SEMA3D: variants seen among roughly 807,000 people sequenced by gnomAD.
The protein encoded by SEMA3D is semaphorin-3D.
Under a neutral mutation model 100.1 loss-of-function variants are expected in SEMA3D, and 84 were observed. The observed-to-expected ratio is 0.84, with a 90% CI of 0.70 to 1.01. SEMA3D has a LOEUF of 1.01. SEMA3D is among the 50% of genes least tolerant of loss of function. SEMA3D has a pLI of 0.00. For missense variants in SEMA3D, 875 were observed against 934.1 expected, an observed-to-expected ratio of 0.94 and a Z score of 0.82; for synonymous variants, 312 against 320.7, an observed-to-expected ratio of 0.97 and a Z score of 0.29.
At chr7:85,158,682 T>G (rs1790663047) in intron 1 of SEMA3D, among the ~76,000 whole-genome samples, 1 of 152,260 alleles carries the variant, frequency 6.6e-6, no homozygotes, top group Non-Finnish European at 1.5e-5. Flanking sequence ...CCTCCCCTTT[T>G]GAAAATCACT....
At chr7:85,128,372 T>C (rs1351059318) in intron 2 of SEMA3D, among the ~76,000 whole-genome samples, 2 of 151,988 alleles carry the variant, frequency 1.3e-5, no homozygotes, top group Non-Finnish European at 2.9e-5. Context: ...GGTTTCACCA[T>C]GTTGATCAGG....
chr7:85,040,997 A>G (rs1790845680), intron 10 of SEMA3D: 1 of 247,908 alleles, frequency 4.0e-6, no homozygotes, highest in African/African-American at 2.3e-5. Flanking sequence ...AAAAATAAGT[A>G]ATTTTTACCC....
At chr7:85,022,356 C>G in intron 13 of SEMA3D, 35 bp downstream of exon 13, 1 of 1,456,078 alleles carries the variant, frequency 6.9e-7, no homozygotes, top group Non-Finnish European at 9.6e-7. Flanking sequence ...ATGAAAAATT[C>G]CTTTTGAAAA....
intron 2 of SEMA3D, among the ~76,000 whole-genome samples, chr7:85,129,043 C>A (rs1463137897): frequency 6.6e-6 from 1 of 151,768 alleles, no homozygotes. Flanking sequence ...AGGCATGTGC[C>A]ACTTGCCCAG....
chr7:85,020,979 AT>A (rs1301465874), intron 13 of SEMA3D, among the ~76,000 whole-genome samples: 2 of 151,644 alleles, frequency 1.3e-5, no homozygotes, highest in African/African-American at 2.4e-5. Context: ...ATCATCTTAC[AT>A]TGAAATTAAA....
chr7:85,086,567 G>A (rs1477995109), intron 4 of SEMA3D, among the ~76,000 whole-genome samples: 3 of 150,708 alleles, frequency 2.0e-5, no homozygotes, highest in Non-Finnish European at 3.0e-5. Context: ...TACAATATAC[G>A]CACATATATA....
At chr7:85,207,519 G>A in the SEMA3D span, among the ~76,000 whole-genome samples, 25 of 152,026 alleles carry the variant, frequency 1.6e-4, no homozygotes, top group Non-Finnish European at 3.4e-4. Context: ...TGAAGGCCCT[G>A]CTAATCTTTC....
chr7:85,213,146 T>C, the SEMA3D span, among the ~76,000 whole-genome samples: 1 of 152,054 alleles, frequency 6.6e-6, no homozygotes, highest in East Asian at 1.9e-4. Context: ...AATCATTATA[T>C]GTTGAACACA....
intron 3 of SEMA3D, among the ~76,000 whole-genome samples, chr7:85,118,984 T>A (rs1258275275): frequency 6.7e-6 from 1 of 149,912 alleles, no homozygotes; most frequent in African/African-American, 2.4e-5. Flanking sequence ...AACACATACA[T>A]GTGGGCAACA....
chr7:85,195,748 C>A, the SEMA3D span, among the ~76,000 whole-genome samples: 1 of 152,056 alleles, frequency 6.6e-6, no homozygotes, highest in Non-Finnish European at 1.5e-5. Flanking sequence ...TTTTTTATGG[C>A]ATATACTATA....
intron 5 of SEMA3D, among the ~76,000 whole-genome samples, chr7:85,075,715 A>T (rs565022054): frequency 6.6e-6 from 1 of 152,350 alleles, no homozygotes; most frequent in East Asian, 1.9e-4. Flanking sequence ...ATAGTTCTCT[A>T]AGCAGCCTAG....
intron 2 of SEMA3D, among the ~76,000 whole-genome samples, chr7:85,122,917 G>C (rs1024378377): frequency 6.6e-6 from 1 of 152,120 alleles, no homozygotes; most frequent in African/African-American, 2.4e-5. Flanking sequence ...ATCAAAACAC[G>C]TATTCCAAAC....
intron 3 of SEMA3D, among the ~76,000 whole-genome samples, chr7:85,105,992 C>G (rs529495510): frequency 2.6e-5 from 4 of 152,132 alleles, no homozygotes; most frequent in African/African-American, 9.6e-5. Flanking sequence ...TATAATCCAT[C>G]ATTGTGAGAT....
intron 5 of SEMA3D, 51 bp downstream of exon 5, chr7:85,081,466 A>G: frequency 8.5e-7 from 1 of 1,179,210 alleles, no homozygotes; most frequent in Non-Finnish European, 1.3e-6. Context: ...AATATTTGCT[A>G]TCATATCAGT....
At chr7:85,234,290 G>A in the SEMA3D span, among the ~76,000 whole-genome samples, 2 of 152,264 alleles carry the variant, frequency 1.3e-5, no homozygotes, top group Admixed American at 6.5e-5. Context: ...TGAAGACTGC[G>A]AGAAAGAGAT....
At chr7:85,186,310 G>C (rs1359343492) in intron 1 of SEMA3D, among the ~76,000 whole-genome samples, 1 of 152,150 alleles carries the variant, frequency 6.6e-6, no homozygotes, top group Non-Finnish European at 1.5e-5. Flanking sequence ...CAGACCAGGA[G>C]GGGTGGTGGG....
chr7:85,106,336 T>G (rs1788919530), intron 3 of SEMA3D, among the ~76,000 whole-genome samples: 1 of 152,170 alleles, frequency 6.6e-6, no homozygotes, highest in Non-Finnish European at 1.5e-5. Flanking sequence ...GTATATAAAT[T>G]TAATGTAGAA....
At chr7:85,240,881 C>T in the SEMA3D span, among the ~76,000 whole-genome samples, 1 of 152,048 alleles carries the variant, frequency 6.6e-6, no homozygotes, top group Admixed American at 6.6e-5. Context: ...ATCTTTCCAA[C>T]CCACAGAGTA....
intron 14 of SEMA3D, among the ~76,000 whole-genome samples, chr7:85,019,760 G>A (rs116477990): frequency 4.0e-4 from 61 of 151,622 alleles, no homozygotes; most frequent in African/African-American, 1.4e-3. Context: ...TCTTTTTGCC[G>A]GGTGAGAGGA....
Sources: allele counts gnomAD v4.1 joint callset (sites outside exome capture counted in the v4.1 genomes callset), GRCh38; gene constraint gnomAD v4.1.1; transcripts MANE v1.5; gene names NCBI Gene and HGNC (gene_info 2026-07-23, HGNC 2026-07-21).